Variants in LRPPRC observed in about 807,000 individuals in gnomAD.
LRPPRC encodes the protein leucine rich pentatricopeptide repeat containing.
Under a neutral mutation model 180.3 loss-of-function variants are expected in LRPPRC, and 120 were observed. The observed-to-expected ratio is 0.67, with a 90% CI of 0.57 to 0.77. The LOEUF (loss-of-function observed/expected upper bound fraction) is 0.77. Among genes scored for constraint, LRPPRC ranks in the 30% least tolerant of loss-of-function variants. The probability of loss-of-function intolerance (pLI) is 0.00; values close to 1 mark genes in which losing one functional copy is unlikely to be tolerated. For synonymous variants in LRPPRC, 723 were observed against 600.0 expected, an observed-to-expected ratio of 1.21 and a Z score of -3.00; for missense variants, 2,012 against 1,657.2, an observed-to-expected ratio of 1.21 and a Z score of -3.72.
chr2:43,888,901 CAT>C lies in LRPPRC; in HGVS notation c.4129-247_4129-246del, dbSNP rs146126117. Among the ~76,000 whole-genome samples the C allele has an allele frequency of 0.042, 6,347 of 152,146 alleles. 179 individuals carry two copies. Among genetic ancestry groups the C allele is most frequent in the Middle Eastern group, 0.11 (33 of 294 alleles). ...GTGTGTATACGTGTGTATGTGCAAGCATGTGTGTGTGCACATATGGAGGTATG... is the reference window on the plus strand; with the variant it reads ...GTGTGTATACGTGTGTATGTGCAAGCGTGTGTGTGCACATATGGAGGTATG... On this transcript the variant is annotated intron_variant, in intron 37 of 37. Coordinates refer to ENST00000260665, the MANE Select transcript of LRPPRC (RefSeq NM_133259.4).
chr2:43,977,280 C>A lies in LRPPRC; in HGVS notation c.470-4G>T. Reference sequence around the variant, plus strand: ...TGACTCACATCATACACAGCACCTACAAATGAAATTTAAAATGAATTTTTA... The same window carrying A: ...TGACTCACATCATACACAGCACCTAAAAATGAAATTTAAAATGAATTTTTA... On this transcript the variant is annotated splice_polypyrimidine_tract_variant and splice_region_variant and intron_variant, in intron 3 of 37. Transcript: ENST00000260665. 1 of 1,597,246 alleles carries A rather than the reference C, an allele frequency of 6.3e-7. No individual in the cohort carries two copies.
intron 14 of LRPPRC, among the ~76,000 whole-genome samples, chr2:43,955,513 C>T (rs914226084): frequency 6.7e-6 from 1 of 150,050 alleles, no homozygotes; most frequent in Admixed American, 6.6e-5. Context: ...TTATGAATCA[C>T]TGTGCTACAC....
Position 43,912,559 on chromosome 2 carries a change from CTA to C in LRPPRC, c.3149-3_3149-2del. The C allele has an allele frequency of 6.2e-7, 1 of 1,608,476 alleles. No homozygotes were observed. Among genetic ancestry groups the C allele is most frequent in the Non-Finnish European group, 8.5e-7 (1 of 1,175,426 alleles). On this transcript the variant is annotated splice_acceptor_variant and splice_polypyrimidine_tract_variant and intron_variant, in intron 29 of 37. Transcript: ENST00000260665. LOFTEE classifies it high-confidence loss of function. ...GCATTCAGGAAAATATCATATGCCC[CTA>C]TGAGAGAAAACAGACAAAAAAAATG...
chr2:43,950,748 T>G, intron 14 of LRPPRC, 148 bp from the exon 15 acceptor site: 1 of 690,870 alleles, frequency 1.4e-6, no homozygotes, highest in South Asian at 1.6e-5. Flanking sequence ...AAAGGTAATT[T>G]AGAAAGGCTG....
intron 2 of LRPPRC, among the ~76,000 whole-genome samples, chr2:43,981,462 C>T (rs761676747): frequency 2.6e-5 from 4 of 152,080 alleles, no homozygotes; most frequent in Admixed American, 6.5e-5. Context: ...AGTTCGAGAC[C>T]AGCCTGGCCA....
chr2:43,986,258 T>G (rs1674522208), intron 1 of LRPPRC, among the ~76,000 whole-genome samples: 4 of 152,096 alleles, frequency 2.6e-5, no homozygotes, highest in Admixed American at 2.6e-4. Context: ...GCCTCCTGAG[T>G]AGCTGGGATT....
At chr2:43,924,810 A>C (rs1334348734) in intron 27 of LRPPRC, among the ~76,000 whole-genome samples, 1 of 152,180 alleles carries the variant, frequency 6.6e-6, no homozygotes, top group African/African-American at 2.4e-5. Flanking sequence ...AGTCCTATTA[A>C]ATTCTGTGGT....
chr2:43,946,128 T>C lies in LRPPRC; in HGVS notation c.2195A>G (p.Asn732Ser). ...CRHDKVEDAL[N>S]LKEEFDRLDS... ...GGGTACTCACAATTCTTCTTTCAAG[T>C]TCAAGGCATCTTCTACTTTATCATG... The change falls in exon 21 of 38, where the codon AAC (asparagine) becomes AGC (serine). Residue 732 changes from asparagine (N) to serine (S), a missense_variant. Coordinates refer to ENST00000260665, the MANE Select transcript of LRPPRC (RefSeq NM_133259.4). 1 of 1,612,686 alleles carries C rather than the reference T, an allele frequency of 6.2e-7. No individual in the cohort carries two copies. The highest frequency in any genetic ancestry group is 8.5e-7 in the Non-Finnish European group (1 of 1,178,930).
chr2:43,945,228 G>A (rs1255368255), intron 22 of LRPPRC, 104 bp downstream of exon 22: 2 of 820,422 alleles, frequency 2.4e-6, no homozygotes, highest in Non-Finnish European at 2.1e-6. Context: ...TATGCAAAGT[G>A]TTCAAGCACT....
In LRPPRC at chr2:43,995,890, G is replaced by C. The variant is rs184339274; in HGVS notation, c.58C>G (p.Leu20Val). 6.6e-7 allele frequency: 1 copy of C among 1,508,576 alleles called. No individual in the cohort carries two copies. Among genetic ancestry groups the C allele is most frequent in the Admixed American group, 2.1e-5 (1 of 48,026 alleles). 93.4% of individuals were successfully genotyped at this position (1,508,576 alleles called of 1,614,324 possible). A position where few individuals can be genotyped will look rare whatever the true frequency, so the allele number is the denominator to read the frequency against. ...WLLRAGAAPR[L>V]PLSLRLLPGG... ...GGGAGGAGGCGCAGGGAGAGCGGGA[G>C]GCGCGGGGCCGCCCCGGCACGCAGC... Residue 20 changes from leucine (L) to valine (V), a missense_variant, in exon 1 of 38, where the codon CTC (leucine) becomes GTC (valine). Coordinates refer to ENST00000260665, the MANE Select transcript of LRPPRC (RefSeq NM_133259.4).
intron 11 of LRPPRC, among the ~76,000 whole-genome samples, chr2:43,970,837 C>T (rs1312102121): frequency 2.0e-5 from 3 of 152,198 alleles, no homozygotes; most frequent in Non-Finnish European, 2.9e-5. Flanking sequence ...TGGTGGCTCA[C>T]GCCTATAATC....
chr2:43,899,674 G>T, intron 32 of LRPPRC, 69 bp from the exon 33 acceptor site: 2 of 1,036,990 alleles, frequency 1.9e-6, no homozygotes, highest in East Asian at 2.5e-5. Context: ...TTTAGTCTAA[G>T]AACTTACTTT....
At chr2:43,943,384 T>C (rs1200796196) in intron 23 of LRPPRC, among the ~76,000 whole-genome samples, 1 of 152,058 alleles carries the variant, frequency 6.6e-6, no homozygotes, top group African/African-American at 2.4e-5. Flanking sequence ...AAGATCCTTT[T>C]TTCTTATATT....
At chr2:43,976,946 C>T in intron 5 of LRPPRC, 48 bp downstream of exon 5, 2 of 1,477,402 alleles carry the variant, frequency 1.4e-6, no homozygotes, top group Non-Finnish European at 1.9e-6. Context: ...ATTAGATTTA[C>T]AAAATGTACA....
chr2:43,892,087 C>G (rs1285450802), intron 36 of LRPPRC, among the ~76,000 whole-genome samples: 1 of 152,208 alleles, frequency 6.6e-6, no homozygotes, highest in Non-Finnish European at 1.5e-5. Context: ...AGGAAAGAAG[C>G]CATCTCCATG....
intron 14 of LRPPRC, among the ~76,000 whole-genome samples, chr2:43,953,588 C>A (rs1398797536): frequency 6.6e-6 from 1 of 151,980 alleles, no homozygotes; most frequent in African/African-American, 2.4e-5. Flanking sequence ...ACCCAGGAAT[C>A]AATTAAAAAT....
intron 1 of LRPPRC, among the ~76,000 whole-genome samples, chr2:43,982,976 T>C (rs1277711089): frequency 6.6e-6 from 1 of 152,198 alleles, no homozygotes; most frequent in East Asian, 1.9e-4. Context: ...ATTTCTAATC[T>C]GTCTAAATAA....
In LRPPRC at chr2:43,949,754, C is replaced by T. The variant is rs1012736144; in HGVS notation, c.1678-95G>A. On this transcript the variant is annotated intron_variant, in intron 15 of 37. Coordinates refer to ENST00000260665, the MANE Select transcript of LRPPRC (RefSeq NM_133259.4). ...ATTCTTGAAATAATAAAACCTCTCCCCAGTAAGGTACTATTCTATTTCACA... is the reference window on the plus strand; with the variant it reads ...ATTCTTGAAATAATAAAACCTCTCCTCAGTAAGGTACTATTCTATTTCACA... 4.9e-6 allele frequency: 4 copies of T among 818,766 alleles called. No homozygotes were observed. The African/African-American group carries it at 6.7e-5, about 14-fold the overall frequency. 50.7% of individuals were successfully genotyped at this position (818,766 alleles called of 1,614,324 possible). A position where few individuals can be genotyped will look rare whatever the true frequency, so the allele number is the denominator to read the frequency against.
At chr2:43,958,928 T>C in intron 13 of LRPPRC, 1 of 332,686 alleles carries the variant, frequency 3.0e-6, no homozygotes, top group Non-Finnish European at 5.4e-6. Context: ...TTTTTAAATC[T>C]AATAAACAAC....
Sources: allele counts gnomAD v4.1 joint callset (sites outside exome capture counted in the v4.1 genomes callset), GRCh38; gene constraint gnomAD v4.1.1; transcripts MANE v1.5; gene names NCBI Gene and HGNC (gene_info 2026-07-23, HGNC 2026-07-21).